Variants in LARGE1 observed in about 807,000 individuals in gnomAD.
LARGE1 encodes xylosyl- and glucuronyltransferase LARGE1.
Under a neutral mutation model 87.6 loss-of-function variants are expected in LARGE1, and 43 were observed. That is an observed-to-expected ratio of 0.49 (90% CI 0.38 to 0.63). The LOEUF (loss-of-function observed/expected upper bound fraction) is 0.63. Among genes scored for constraint, LARGE1 ranks in the 30% least tolerant of loss-of-function variants. The pLI is 0.00. For synonymous variants in LARGE1, 434 were observed against 394.6 expected (o/e 1.10, Z -1.18); for missense variants, 802 against 1,000.2 (o/e 0.80, Z 2.67).
At chr22:33,900,811 C>T (rs957268632) in intron 1 of LARGE1, among the ~76,000 whole-genome samples, 5 of 152,156 alleles carry the variant, frequency 3.3e-5, no homozygotes, top group Non-Finnish European at 7.3e-5. Context: ...CTTTGGGAGG[C>T]CGAGGCAGGC....
At chr22:33,829,092 A>G (rs565542856) in intron 1 of LARGE1, among the ~76,000 whole-genome samples, 99 of 136,926 alleles carry the variant, frequency 7.2e-4, no homozygotes, top group Non-Finnish European at 1.4e-3. Context: ...CACTGCAACC[A>G]ACTCCTCCCA....
intron 11 of LARGE1, among the ~76,000 whole-genome samples, chr22:33,210,226 C>G (rs1199675872): frequency 6.6e-6 from 1 of 152,262 alleles, no homozygotes; most frequent in South Asian, 2.1e-4. Context: ...ACCAGCCGCC[C>G]TCCCGGCCTC....
At chr22:33,584,344 T>TC (rs1349117656) in intron 5 of LARGE1, among the ~76,000 whole-genome samples, 2 of 152,022 alleles carry the variant, frequency 1.3e-5, no homozygotes, top group South Asian at 2.1e-4. Flanking sequence ...ACACCACACT[T>TC]CCCCCCGACT....
the LARGE1 span, among the ~76,000 whole-genome samples, chr22:33,105,084 G>A: frequency 4.6e-5 from 7 of 151,088 alleles, no homozygotes; most frequent in Non-Finnish European, 8.8e-5. Flanking sequence ...CACAATCTCC[G>A]ACTCCTGGGT....
At chr22:33,577,671 C>G (rs73882272) in intron 5 of LARGE1, among the ~76,000 whole-genome samples, 1,742 of 152,320 alleles carry the variant, frequency 0.011, 29 homozygotes, top group African/African-American at 0.04. Context: ...TCAGAGGGCT[C>G]TTTAGCACTT....
intron 6 of LARGE1, among the ~76,000 whole-genome samples, chr22:33,450,674 A>G (rs1229307049): frequency 6.6e-6 from 1 of 152,118 alleles, no homozygotes; most frequent in Non-Finnish European, 1.5e-5. Context: ...TTACACCTGG[A>G]AAAAAACCTT....
intron 6 of LARGE1, among the ~76,000 whole-genome samples, chr22:33,528,693 T>C (rs942359508): frequency 6.6e-6 from 1 of 152,008 alleles, no homozygotes; most frequent in African/African-American, 2.4e-5. Flanking sequence ...TTTTTGTCAA[T>C]CCCTTGCAGA....
chr22:33,296,209 A>G (rs1428107300), intron 12 of LARGE1, among the ~76,000 whole-genome samples: 1 of 152,208 alleles, frequency 6.6e-6, no homozygotes, highest in African/African-American at 2.4e-5. Flanking sequence ...GGCACTAAGG[A>G]GGGCAGCTGT....
intron 1 of LARGE1, among the ~76,000 whole-genome samples, chr22:33,853,341 G>GCA (rs758949188): frequency 7.2e-5 from 11 of 152,144 alleles, no homozygotes; most frequent in African/African-American, 2.7e-4. Flanking sequence ...TGCTTTTCAA[G>GCA]CACACACAGG....
At chr22:33,209,286 C>T (rs1254901844) in intron 11 of LARGE1, among the ~76,000 whole-genome samples, 1 of 152,204 alleles carries the variant, frequency 6.6e-6, no homozygotes, top group Non-Finnish European at 1.5e-5. Context: ...CCACCTTCAC[C>T]CTCCAGAACT....
At chr22:33,156,823 G>T in the LARGE1 span, among the ~76,000 whole-genome samples, 1 of 151,874 alleles carries the variant, frequency 6.6e-6, no homozygotes, top group Non-Finnish European at 1.5e-5. Flanking sequence ...TGTAACTCCC[G>T]CAATTCCAAT....
chr22:33,455,156 T>C (rs2068082206), intron 6 of LARGE1, among the ~76,000 whole-genome samples: 1 of 152,204 alleles, frequency 6.6e-6, no homozygotes, highest in Non-Finnish European at 1.5e-5. Context: ...AGGGAATGGA[T>C]GGCAATAGAT....
chr22:33,184,913 G>A (rs529790793), intron 11 of LARGE1, among the ~76,000 whole-genome samples: 1 of 152,212 alleles, frequency 6.6e-6, no homozygotes, highest in South Asian at 2.1e-4. Context: ...CATATCGAAT[G>A]CAGACAAGGA....
chr22:33,198,654 C>CACAT (rs748279035), intron 11 of LARGE1, among the ~76,000 whole-genome samples: 1,833 of 146,262 alleles, frequency 0.013, 41 homozygotes, highest in African/African-American at 0.046. Context: ...CACACACACA[C>CACAT]ACACACACAC....
At chr22:33,591,271 G>A (rs1413170678) in intron 5 of LARGE1, among the ~76,000 whole-genome samples, 1 of 152,216 alleles carries the variant, frequency 6.6e-6, no homozygotes, top group African/African-American at 2.4e-5. Context: ...CATCAGTGAT[G>A]TCAGAGAGTT....
At chr22:33,123,278 T>G in the LARGE1 span, among the ~76,000 whole-genome samples, 1 of 152,184 alleles carries the variant, frequency 6.6e-6, no homozygotes, top group Non-Finnish European at 1.5e-5. Context: ...TAAATCTAAT[T>G]GTAAAATAGC....
At chr22:33,653,847 C>G (rs1372051993) in intron 2 of LARGE1, among the ~76,000 whole-genome samples, 1 of 152,140 alleles carries the variant, frequency 6.6e-6, no homozygotes, top group Non-Finnish European at 1.5e-5. Context: ...GAGATATACT[C>G]CAAGAGGAGG....
chr22:33,416,905 A>ATTTTTTTT (rs1569145162), intron 7 of LARGE1, among the ~76,000 whole-genome samples: 6 of 52,204 alleles, frequency 1.1e-4, no homozygotes, highest in African/African-American at 6.3e-4. Context: ...CCACGCCCGG[A>ATTTTTTTT]CTTTTTTTTT....
At chr22:33,558,045 A>G (rs1359640853) in intron 6 of LARGE1, among the ~76,000 whole-genome samples, 1 of 152,168 alleles carries the variant, frequency 6.6e-6, no homozygotes, top group Non-Finnish European at 1.5e-5. Context: ...GTCATTTTAA[A>G]GCACTTTGAG....
Sources: allele counts gnomAD v4.1 joint callset (sites outside exome capture counted in the v4.1 genomes callset), GRCh38; gene constraint gnomAD v4.1.1; transcripts MANE v1.5; gene names NCBI Gene and HGNC (gene_info 2026-07-23, HGNC 2026-07-21).